Variants in ROBO1 observed in about 807,000 individuals in gnomAD.
ROBO1 encodes the protein roundabout guidance receptor 1.
In ROBO1, 149 loss-of-function variants were observed where a neutral mutation model predicts 195.9. The ratio of observed to expected loss-of-function variants is 0.76; its 90% CI spans 0.67 to 0.87. ROBO1 has a LOEUF of 0.87. Among genes scored for constraint, ROBO1 ranks in the 40% least tolerant of loss-of-function variants. ROBO1 has a pLI of 0.00. For synonymous variants in ROBO1, 816 were observed against 733.2 expected (o/e 1.11, Z -1.82); for missense variants, 1,933 against 2,068.3 (o/e 0.93, Z 1.27).
chr3:78,972,491 T>G (rs1346091637), intron 3 of ROBO1, among the ~76,000 whole-genome samples: 2 of 152,188 alleles, frequency 1.3e-5, no homozygotes, highest in Admixed American at 1.3e-4. Context: ...TGTACACAAC[T>G]CTGGTCAGGG....
At chr3:79,340,507 A>G (rs2034867561) in intron 2 of ROBO1, among the ~76,000 whole-genome samples, 1 of 152,178 alleles carries the variant, frequency 6.6e-6, no homozygotes, top group Non-Finnish European at 1.5e-5. Flanking sequence ...GGTGGGCTGC[A>G]GGTTGTTCTA....
chr3:79,502,137 C>T (rs1940106886), intron 2 of ROBO1, among the ~76,000 whole-genome samples: 1 of 152,224 alleles, frequency 6.6e-6, no homozygotes, highest in Non-Finnish European at 1.5e-5. Context: ...CCTTCTCGGC[C>T]TTGGCGCCCA....
At chr3:78,790,741 A>G (rs971825343) in intron 4 of ROBO1, among the ~76,000 whole-genome samples, 18 of 152,200 alleles carry the variant, frequency 1.2e-4, no homozygotes, top group African/African-American at 4.3e-4. Flanking sequence ...CCATTCTCCA[A>G]GTCAGCCATG....
chr3:79,008,376 C>G (rs1438342468), intron 3 of ROBO1, among the ~76,000 whole-genome samples: 1 of 151,936 alleles, frequency 6.6e-6, no homozygotes, highest in Non-Finnish European at 1.5e-5. Flanking sequence ...TTATTATTAT[C>G]ACAATTGATA....
chr3:79,493,934 A>G (rs1389077348), intron 2 of ROBO1, among the ~76,000 whole-genome samples: 1 of 152,238 alleles, frequency 6.6e-6, no homozygotes, highest in East Asian at 1.9e-4. Flanking sequence ...ATCAAATACT[A>G]GATCGTATTC....
At chr3:79,717,501 C>G (rs1447104248) in intron 1 of ROBO1, among the ~76,000 whole-genome samples, 1 of 151,856 alleles carries the variant, frequency 6.6e-6, no homozygotes, top group African/African-American at 2.4e-5. Flanking sequence ...TGTGTTTGAC[C>G]AATTCGAGCT....
intron 2 of ROBO1, among the ~76,000 whole-genome samples, chr3:79,525,420 CAATATGATATT>C (rs1237519930): frequency 6.0e-5 from 9 of 149,068 alleles, no homozygotes; most frequent in Admixed American, 2.0e-4. Context: ...CCTACCATAC[CAATATGATATT>C]AATCTCTTAT....
chr3:79,489,420 C>G (rs1429354954), intron 2 of ROBO1, among the ~76,000 whole-genome samples: 1 of 151,936 alleles, frequency 6.6e-6, no homozygotes, highest in Non-Finnish European at 1.5e-5. Context: ...CTTTGGGAGG[C>G]CGAGGTGGGC....
rs1358231772 is a variant in ROBO1, at chr3:78,617,851, C to T, written c.4066G>A (p.Ala1356Thr). Residue 1356 changes from alanine to threonine, a missense_variant, in exon 27 of 31, where the codon GCC becomes ACC. This residue lies in a region of ROBO1 where 1,737 missense variants were observed against 1,882.5 expected (regional missense o/e 0.92). Transcript: ENST00000464233. The part of the protein sequence containing the change: ...LLLRGLEQTP[A>T]SSVGDLESSV... The stretch of plus-strand genomic sequence containing the variant: ...CTCTCCAGGTCCCCAACACTGGAGG[C>T]AGGTGTCTGCTCAAGCCCACGTAAC... 2 of 1,613,854 alleles carry T rather than the reference C, an allele frequency of 1.2e-6. No individual in the cohort carries two copies. Among genetic ancestry groups the T allele is most frequent in the African/African-American group, 2.7e-5 (2 of 74,930 alleles).
In ROBO1 at chr3:78,763,750, A is replaced by C. The variant is rs151249920; in HGVS notation, c.500-16850T>G. ...ATCTTGAAACCACCTGTAAGCCTTT[A>C]CTCCACAAGAACTCCTTGGCCAACC... On this transcript the variant is annotated intron_variant, in intron 4 of 30. Transcript: ENST00000464233. Among the ~76,000 whole-genome samples, 6 of 152,006 alleles carry C rather than the reference A, an allele frequency of 3.9e-5. No individual in the cohort carries two copies. In the East Asian group the frequency reaches 9.7e-4, roughly 25 times the overall value.
At chr3:79,054,485 G>A (rs189728806) in intron 3 of ROBO1, among the ~76,000 whole-genome samples, 4 of 152,142 alleles carry the variant, frequency 2.6e-5, no homozygotes, top group African/African-American at 4.8e-5. Context: ...CTGATCACGA[G>A]GTGTTACCTG....
intron 2 of ROBO1, among the ~76,000 whole-genome samples, chr3:79,241,187 C>A (rs895391704): frequency 1.3e-5 from 2 of 152,090 alleles, no homozygotes; most frequent in East Asian, 3.9e-4. Context: ...TATTTCTCAT[C>A]ATTAAACGTT....
intron 1 of ROBO1, among the ~76,000 whole-genome samples, chr3:79,608,077 T>C (rs1944545681): frequency 6.6e-6 from 1 of 152,000 alleles, no homozygotes; most frequent in Non-Finnish European, 1.5e-5. Context: ...TGAAAATAAA[T>C]AAACATGTTG....
chr3:79,499,886 A>C (rs1289256245), intron 2 of ROBO1, among the ~76,000 whole-genome samples: 1 of 152,138 alleles, frequency 6.6e-6, no homozygotes, highest in African/African-American at 2.4e-5. Context: ...GGCTCTCTGC[A>C]ACCTCCGCCT....
At chr3:79,321,388 T>C (rs1027414276) in intron 2 of ROBO1, among the ~76,000 whole-genome samples, 1 of 152,232 alleles carries the variant, frequency 6.6e-6, no homozygotes, top group African/African-American at 2.4e-5. Context: ...AAGTATTTTA[T>C]ACATGCTATC....
intron 1 of ROBO1, among the ~76,000 whole-genome samples, chr3:79,750,250 T>C (rs1396677957): frequency 2.0e-5 from 3 of 152,242 alleles, no homozygotes; most frequent in Admixed American, 2.0e-4. Context: ...AACAGATATA[T>C]TTACCCAATG....
At chr3:78,605,447 A>G (rs1703411516) in intron 29 of ROBO1, among the ~76,000 whole-genome samples, 1 of 152,210 alleles carries the variant, frequency 6.6e-6, no homozygotes, top group Non-Finnish European at 1.5e-5. Flanking sequence ...TTTTGAGAGT[A>G]TTCATACAAC....
At chr3:79,328,509 A>G (rs1290185603) in intron 2 of ROBO1, among the ~76,000 whole-genome samples, 1 of 152,214 alleles carries the variant, frequency 6.6e-6, no homozygotes, top group Admixed American at 6.5e-5. Flanking sequence ...TAGGAGTTGT[A>G]TCGAGGCAGA....
intron 2 of ROBO1, among the ~76,000 whole-genome samples, chr3:79,386,177 A>G (rs1278837348): frequency 1.3e-5 from 2 of 152,146 alleles, no homozygotes; most frequent in African/African-American, 4.8e-5. Context: ...ACATATCAGA[A>G]TATGTGATTT....
Sources: gnomAD v4.1 joint callset for allele counts (sites outside exome capture counted in the v4.1 genomes callset) on GRCh38, gnomAD v4.1.1 for gene constraint, gnomAD v4.1.1 regional missense constraint, MANE v1.5 for transcripts, NCBI Gene and HGNC (gene_info 2026-07-23, HGNC 2026-07-21) for gene names.